Variants in COL4A6 observed in about 807,000 individuals in gnomAD.
COL4A6 encodes collagen alpha-6(IV) chain.
A neutral mutation model predicts 126.7 loss-of-function variants in COL4A6; 59 were observed. The ratio of observed to expected loss-of-function variants is 0.47; its 90% confidence interval spans 0.38 to 0.58. The LOEUF (loss-of-function observed/expected upper bound fraction) is 0.58, where lower values mean the gene tolerates loss of function less well. COL4A6 is among the 20% of genes least tolerant of loss of function. The probability of loss-of-function intolerance (pLI) is 0.00; values close to 1 mark genes in which losing one functional copy is unlikely to be tolerated. For synonymous variants in COL4A6, 547 were observed against 496.6 expected (o/e 1.10, Z -1.35); for missense variants, 1,285 against 1,337.3 (o/e 0.96, Z 0.61).
chrX:108,262,610 C>A (rs960563084), intron 3 of COL4A6, among the ~76,000 whole-genome samples: 3 of 111,653 alleles, frequency 2.7e-5, no homozygotes, highest in Non-Finnish European at 5.7e-5. Context: ...TCATGACCAT[C>A]CATGCAAGGC....
At chrX:108,214,314 GC>G in intron 5 of COL4A6, 86 bp from the exon 6 acceptor site, 2 of 638,225 alleles carry the variant, frequency 3.1e-6, no homozygotes, top group Non-Finnish European at 5.0e-6. Flanking sequence ...AGCCAAGCAT[GC>G]TATTAAACTG....
chrX:108,432,155 C>G (rs1343813078), intron 2 of COL4A6, among the ~76,000 whole-genome samples: 1 of 112,331 alleles, frequency 8.9e-6, no homozygotes, highest in Admixed American at 9.4e-5. Flanking sequence ...TGGATGCACA[C>G]AATTACCAAC....
At chrX:108,178,529 G>C (rs749861573) in intron 27 of COL4A6, among the ~76,000 whole-genome samples, 155 bp downstream of exon 27, 2 of 112,316 alleles carry the variant, frequency 1.8e-5, no homozygotes, top group African/African-American at 3.2e-5. Context: ...GTACTGCAAG[G>C]GTGACTTGAG....
chrX:108,365,764 T>C (rs1294239599), intron 2 of COL4A6, among the ~76,000 whole-genome samples: 3 of 111,820 alleles, frequency 2.7e-5, no homozygotes, highest in Non-Finnish European at 1.9e-5. Context: ...AGATCTGCAT[T>C]TCTAATAGTC....
At chrX:108,375,042 T>C (rs949641516) in intron 2 of COL4A6, among the ~76,000 whole-genome samples, 3 of 112,073 alleles carry the variant, frequency 2.7e-5, no homozygotes, top group African/African-American at 9.7e-5. Context: ...TTAACATCCA[T>C]CTAAGCTAGC....
intron 3 of COL4A6, among the ~76,000 whole-genome samples, chrX:108,278,549 C>T (rs1227435093): frequency 1.8e-5 from 2 of 110,376 alleles, no homozygotes; most frequent in African/African-American, 3.3e-5. Context: ...GAGAATGCAA[C>T]CACGTTGGAA....
chrX:108,324,097 G>A (rs1158259031), intron 2 of COL4A6, among the ~76,000 whole-genome samples: 1 of 112,292 alleles, frequency 8.9e-6, no homozygotes. Context: ...GTTTCTAGTT[G>A]GGAGATTAAG....
At chrX:108,417,485 T>C (rs183426185) in intron 2 of COL4A6, among the ~76,000 whole-genome samples, 5 of 112,052 alleles carry the variant, frequency 4.5e-5, no homozygotes, top group Non-Finnish European at 7.5e-5. Context: ...TGAAAGAAAC[T>C]GAAAGCATTA....
intron 2 of COL4A6, among the ~76,000 whole-genome samples, chrX:108,350,971 C>T (rs916141329): frequency 2.2e-4 from 25 of 111,148 alleles, no homozygotes; most frequent in Non-Finnish European, 3.2e-4. Context: ...GTTTTGCTTA[C>T]GCTATAGAGC....
chrX:108,262,153 C>T (rs968265221), intron 3 of COL4A6, among the ~76,000 whole-genome samples: 9 of 111,642 alleles, frequency 8.1e-5, no homozygotes, highest in African/African-American at 2.9e-4. Flanking sequence ...GAGTCCAAGG[C>T]TGGATTCAAA....
intron 2 of COL4A6, among the ~76,000 whole-genome samples, chrX:108,327,610 C>G (rs898153574): frequency 1.8e-5 from 2 of 109,528 alleles, no homozygotes; most frequent in African/African-American, 3.3e-5. Flanking sequence ...TCTATAGTGA[C>G]AGAAAACAGA....
chrX:108,196,228 T>C (rs1210991518), intron 14 of COL4A6, among the ~76,000 whole-genome samples: 1 of 110,820 alleles, frequency 9.0e-6, no homozygotes, highest in Admixed American at 9.6e-5. Context: ...CATTCTTTCT[T>C]GGTATCATTC....
chrX:108,249,800 A>G (rs2036806908), intron 3 of COL4A6, among the ~76,000 whole-genome samples: 1 of 111,407 alleles, frequency 9.0e-6, no homozygotes, highest in South Asian at 3.8e-4. Flanking sequence ...AGTAAGCACT[A>G]GAGCCTCTGT....
chrX:108,246,374 A>C (rs1468787179), intron 3 of COL4A6, among the ~76,000 whole-genome samples: 1 of 112,094 alleles, frequency 8.9e-6, no homozygotes, highest in Non-Finnish European at 1.9e-5. Flanking sequence ...AAAGAGCAGG[A>C]GTGGTCAAAC....
At chrX:108,382,468 T>C (rs781485006) in intron 2 of COL4A6, among the ~76,000 whole-genome samples, 1 of 111,436 alleles carries the variant, frequency 9.0e-6, no homozygotes, top group Admixed American at 9.6e-5. Context: ...ATCTCTAAGA[T>C]CCAGGCACAA....
At chrX:108,388,726 T>C (rs2040760831) in intron 2 of COL4A6, among the ~76,000 whole-genome samples, 1 of 111,712 alleles carries the variant, frequency 9.0e-6, no homozygotes, top group Non-Finnish European at 1.9e-5. Context: ...TCAGTTCTGC[T>C]CTAATCTTAG....
At chrX:108,286,853 G>C (rs1429175540) in intron 3 of COL4A6, among the ~76,000 whole-genome samples, 1 of 111,926 alleles carries the variant, frequency 8.9e-6, no homozygotes, top group African/African-American at 3.2e-5. Flanking sequence ...ATTAAGGTGT[G>C]AGCGATCATG....
At chrX:108,240,136 G>A (rs933098265) in intron 3 of COL4A6, among the ~76,000 whole-genome samples, 5 of 111,114 alleles carry the variant, frequency 4.5e-5, no homozygotes, top group South Asian at 3.8e-4. Context: ...CCAGCTACTC[G>A]GGAGACTGAG....
intron 13 of COL4A6, among the ~76,000 whole-genome samples, chrX:108,197,890 G>GCT (rs762034727): frequency 9.2e-6 from 1 of 108,615 alleles, no homozygotes; most frequent in Admixed American, 1.0e-4. Flanking sequence ...GCATCAAATA[G>GCT]CTCAGCCTTC....
Sources: allele counts gnomAD v4.1 joint callset (sites outside exome capture counted in the v4.1 genomes callset), GRCh38; gene constraint gnomAD v4.1.1; transcripts MANE v1.5; gene names NCBI Gene and HGNC (gene_info 2026-07-23, HGNC 2026-07-21).